The following ASB15 variants were observed in gnomAD, a reference collection of about 807,000 sequenced individuals.
ASB15 encodes ankyrin repeat and SOCS box containing 15.
Under a neutral mutation model 58.0 loss-of-function variants are expected in ASB15, and 54 were observed. The ratio of observed to expected loss-of-function variants is 0.93; its 90% CI spans 0.75 to 1.17. The LOEUF is 1.17. Ranked by LOEUF, ASB15 falls within the 50% of genes most tolerant of loss-of-function variation. ASB15 has a pLI of 0.00. For missense variants in ASB15, 680 were observed against 707.4 expected, an observed-to-expected ratio of 0.96 and a Z score of 0.44; for synonymous variants, 249 against 262.4, an observed-to-expected ratio of 0.95 and a Z score of 0.50.
At chr7:123,597,722 G>A (rs909032401), upstream of ASB15, among the ~76,000 whole-genome samples, 5 of 151,934 alleles carry the variant, frequency 3.3e-5, no homozygotes, top group African/African-American at 9.7e-5. Flanking sequence ...TCCTAGCTAC[G>A]CGGGAGGCTG....
At chr7:123,579,851 A>T (rs1177904443) in intron 1 of ASB15, among the ~76,000 whole-genome samples, 2 of 152,104 alleles carry the variant, frequency 1.3e-5, no homozygotes, top group African/African-American at 4.8e-5. Context: ...AACATAAAGC[A>T]TATAATAAAA....
chr7:123,580,235 C>A (rs1368989491), intron 1 of ASB15, among the ~76,000 whole-genome samples: 1 of 152,004 alleles, frequency 6.6e-6, no homozygotes, highest in Non-Finnish European at 1.5e-5. Flanking sequence ...GTTCAGAGAG[C>A]AAACAGGAGT....
At chr7:123,607,166 A>G (rs1800187657) in intron 2 of ASB15, among the ~76,000 whole-genome samples, 1 of 152,266 alleles carries the variant, frequency 6.6e-6, no homozygotes. Flanking sequence ...GTAAATACAT[A>G]TAATTTTAAA....
rs1802543731 is a variant in ASB15, at chr7:123,639,476, A to G, written c.*2495A>G. ...TACTTCATATATTAAACTTTTGCTC[A>G]CTAAAGCTGTGACATTTTCTTTGAT... On this transcript the variant is annotated 3_prime_UTR_variant, in exon 12 of 12. Transcript: ENST00000451215. 6.6e-6 allele frequency: 1 copy of G among 152,216 alleles called. No individual in the cohort carries two copies. Among genetic ancestry groups the G allele is most frequent in the South Asian group, 2.1e-4 (1 of 4,830 alleles). 9.4% of individuals were successfully genotyped at this position (152,216 alleles called of 1,614,324 possible). A position where few individuals can be genotyped will look rare whatever the true frequency, so the allele number is the denominator to read the frequency against.
chr7:123,604,154 TG>T lies in ASB15; in HGVS notation c.-121del, dbSNP rs1800020106. ...TCCTGGGGGATATTAACAGGGCTCC[TG>T]TGTTGCAGAGGAACACTACTTTCTC... On this transcript the variant is annotated 5_prime_UTR_variant, in exon 2 of 12. Coordinates refer to ENST00000451215, the MANE Select transcript of ASB15 (RefSeq NM_001290258.2). 1 of 152,222 alleles carries T rather than the reference TG, an allele frequency of 6.6e-6. No individual in the cohort carries two copies. The highest frequency in any genetic ancestry group is 1.9e-4 in the East Asian group (1 of 5,198). 9.4% of individuals were successfully genotyped at this position (152,222 alleles called of 1,614,324 possible). A position where few individuals can be genotyped will look rare whatever the true frequency, so the allele number is the denominator to read the frequency against.
intron 6 of ASB15, among the ~76,000 whole-genome samples, chr7:123,617,155 A>C (rs968453010): frequency 6.6e-6 from 1 of 152,192 alleles, no homozygotes; most frequent in Non-Finnish European, 1.5e-5. Context: ...AGACAGCCAG[A>C]CAGACAGATA....
chr7:123,615,167 C>T (rs1318138859), intron 4 of ASB15: 1 of 152,172 alleles, frequency 6.6e-6, no homozygotes, highest in South Asian at 2.1e-4. Flanking sequence ...TTATCTACTA[C>T]CCAAATGACA....
intron 1 of ASB15, among the ~76,000 whole-genome samples, chr7:123,594,858 G>C (rs1000641385): frequency 6.6e-6 from 1 of 152,234 alleles, no homozygotes; most frequent in Non-Finnish European, 1.5e-5. Context: ...GAAGCTGTCT[G>C]CTGCCTTTTG....
intron 11 of ASB15, among the ~76,000 whole-genome samples, chr7:123,634,293 C>A (rs1802299183): frequency 6.6e-6 from 1 of 151,664 alleles, no homozygotes; most frequent in South Asian, 2.1e-4. Flanking sequence ...TAAGTGAGAA[C>A]ATGCAGTGTT....
At chr7:123,616,140 T>C in intron 4 of ASB15, 81 bp from the exon 5 acceptor site, 1 of 1,171,734 alleles carries the variant, frequency 8.5e-7, no homozygotes, top group South Asian at 1.4e-5. Context: ...AGTTTAAAAA[T>C]GCAATATAAA....
upstream of ASB15, among the ~76,000 whole-genome samples, chr7:123,599,935 G>A (rs1478869362): frequency 6.6e-6 from 1 of 152,084 alleles, no homozygotes; most frequent in Non-Finnish European, 1.5e-5. Flanking sequence ...GACTCATTTT[G>A]TTTCCCCTTT....
chr7:123,633,711 G>A (rs930542176), intron 11 of ASB15, among the ~76,000 whole-genome samples: 4 of 152,122 alleles, frequency 2.6e-5, no homozygotes, highest in Non-Finnish European at 5.9e-5. Context: ...GCATTCCTAC[G>A]ACCCAGATTT....
At chr7:123,625,951 G>A (rs1801742685) in intron 8 of ASB15, among the ~76,000 whole-genome samples, 1 of 152,118 alleles carries the variant, frequency 6.6e-6, no homozygotes, top group South Asian at 2.1e-4. Flanking sequence ...GGAGATGGAG[G>A]TGCACGGAAG....
At chr7:123,626,490 TAAATA>T (rs1445081394) in intron 8 of ASB15, among the ~76,000 whole-genome samples, 4 of 152,052 alleles carry the variant, frequency 2.6e-5, no homozygotes, top group Non-Finnish European at 5.9e-5. Context: ...AATAAATAAA[TAAATA>T]AAATAAGAAA....
At chr7:123,590,776 A>C (rs527708163) in intron 1 of ASB15, among the ~76,000 whole-genome samples, 98 of 152,296 alleles carry the variant, frequency 6.4e-4, no homozygotes, top group African/African-American at 2.3e-3. Flanking sequence ...TGTCTTGGCT[A>C]TGCGGGCTCC....
intron 7 of ASB15, 28 bp from the exon 8 acceptor site, chr7:123,624,541 A>ACTGTT: frequency 6.3e-7 from 1 of 1,593,100 alleles, no homozygotes; most frequent in Non-Finnish European, 8.6e-7. Context: ...TAATATACTT[A>ACTGTT]CTGTTGTTTT....
At chr7:123,618,743 C>T (rs1372093362) in intron 7 of ASB15, among the ~76,000 whole-genome samples, 1 of 151,604 alleles carries the variant, frequency 6.6e-6, no homozygotes, top group Non-Finnish European at 1.5e-5. Flanking sequence ...AGAGGAATCA[C>T]TTAAAAAAAA....
Position 123,638,178 on chromosome 7 carries a change from A to G in ASB15, c.*1197A>G, listed in dbSNP as rs1208161469. 6.6e-6 allele frequency: 1 copy of G among 152,080 alleles called. No homozygotes were observed. The allele number at this position is 152,080 out of a possible 1,614,324, so 9.4% of individuals were successfully genotyped here. A position where few individuals can be genotyped will look rare whatever the true frequency, so the allele number is the denominator to read the frequency against. Reference sequence around the variant, plus strand: ...TTGCCCTGTCCCAAACACTTTCTACATACAGCATCTCAGAAGAGTCTTTTA... The same window carrying G: ...TTGCCCTGTCCCAAACACTTTCTACGTACAGCATCTCAGAAGAGTCTTTTA... On this transcript the variant is annotated 3_prime_UTR_variant, in exon 12 of 12. Transcript: ENST00000451215.
At chr7:123,620,525 TATATATATATATATATATATATATATATA>T (rs1562933184) in intron 7 of ASB15, among the ~76,000 whole-genome samples, 518 of 16,368 alleles carry the variant, frequency 0.032, 6 homozygotes, top group South Asian at 0.071. Context: ...TATATATATA[TATATATATATATATATATATATATATATA>T]TTTTTTTTTT....
Sources: gnomAD v4.1 joint callset for allele counts (sites outside exome capture counted in the v4.1 genomes callset) on GRCh38, gnomAD v4.1.1 for gene constraint, MANE v1.5 for transcripts, NCBI Gene and HGNC (gene_info 2026-07-23, HGNC 2026-07-21) for gene names.